The following ABCA13 variants were observed in gnomAD, a reference collection of about 807,000 sequenced individuals.
ABCA13 encodes the protein ATP binding cassette subfamily A member 13.
Under a neutral mutation model 478.7 loss-of-function variants are expected in ABCA13, and 476 were observed. The ratio of observed to expected loss-of-function variants is 0.99; its 90% CI spans 0.92 to 1.07. The LOEUF (loss-of-function observed/expected upper bound fraction) is 1.07, where lower values mean the gene tolerates loss of function less well. Ranked by LOEUF, ABCA13 falls within the 50% of genes least tolerant of loss-of-function variation. The probability of loss-of-function intolerance (pLI) is 0.00; values close to 1 mark genes in which losing one functional copy is unlikely to be tolerated. For missense variants in ABCA13, 6,060 were observed against 5,910.6 expected, an observed-to-expected ratio of 1.03 and a Z score of -0.83; for synonymous variants, 2,252 against 2,158.9, an observed-to-expected ratio of 1.04 and a Z score of -1.20.
chr7:48,602,071 T>C (rs1459518202), intron 58 of ABCA13, among the ~76,000 whole-genome samples: 1 of 152,180 alleles, frequency 6.6e-6, no homozygotes, highest in Non-Finnish European at 1.5e-5. Context: ...GATGGGGTTG[T>C]TTCTTTTTTT....
At chr7:48,625,261 C>T (rs980766385) in intron 59 of ABCA13, among the ~76,000 whole-genome samples, 8 of 152,104 alleles carry the variant, frequency 5.3e-5, no homozygotes, top group Admixed American at 2.6e-4. Flanking sequence ...CATAACATCT[C>T]GGATTAAGAT....
intron 7 of ABCA13, among the ~76,000 whole-genome samples, chr7:48,232,963 G>T (rs988755245): frequency 6.6e-6 from 1 of 152,164 alleles, no homozygotes; most frequent in African/African-American, 2.4e-5. Flanking sequence ...ACCTCCCATG[G>T]TGTATTCTTA....
intron 31 of ABCA13, among the ~76,000 whole-genome samples, chr7:48,361,620 T>C (rs1810845339): frequency 6.6e-6 from 1 of 151,720 alleles, no homozygotes; most frequent in Non-Finnish European, 1.5e-5. Flanking sequence ...TTTTAGTTTT[T>C]TTCTTAAATA....
In ABCA13 at chr7:48,392,092, A is replaced by AC. The variant is rs1299005403; in HGVS notation, c.11826_11827insC (p.Lys3943GlnfsTer59). Reference sequence around the variant, plus strand: ...AACATTTGCTGCTCTTTGCTTCCATAAAGGCGCCTCAGTGGACCAAGAAGG... The same window carrying AC: ...AACATTTGCTGCTCTTTGCTTCCATACAAGGCGCCTCAGTGGACCAAGAAGG... On this transcript the variant is annotated frameshift_variant, in exon 38 of 62. Coordinates refer to ENST00000435803, the MANE Select transcript of ABCA13 (RefSeq NM_152701.5). LOFTEE classifies it high-confidence loss of function. The AC allele has an allele frequency of 6.2e-6, 10 of 1,613,784 alleles. No individual in the cohort carries two copies. The highest frequency in any genetic ancestry group is 8.5e-6 in the Non-Finnish European group (10 of 1,179,866).
intron 27 of ABCA13, among the ~76,000 whole-genome samples, chr7:48,332,953 CT>C (rs1220425279): frequency 6.6e-6 from 1 of 152,220 alleles, no homozygotes; most frequent in Non-Finnish European, 1.5e-5. Context: ...GTTTGCTAAG[CT>C]TCCTGAGTCT....
intron 27 of ABCA13, among the ~76,000 whole-genome samples, chr7:48,330,561 ACATCCATCCATC>A (rs568787723): frequency 2.9e-5 from 4 of 137,912 alleles, no homozygotes; most frequent in South Asian, 4.7e-4. Flanking sequence ...ATCCATCCAC[ACATCCATCCATC>A]CATCCATCCA....
At chr7:48,388,989 T>A (rs960917946) in intron 36 of ABCA13, 51 bp from the exon 37 acceptor site, 3 of 1,570,452 alleles carry the variant, frequency 1.9e-6, no homozygotes, top group Non-Finnish European at 8.7e-7. Flanking sequence ...ATGAGCATTA[T>A]TTTTAGGGCT....
At chr7:48,457,121 G>A (rs895825166) in intron 43 of ABCA13, among the ~76,000 whole-genome samples, 1 of 152,036 alleles carries the variant, frequency 6.6e-6, no homozygotes, top group Non-Finnish European at 1.5e-5. Flanking sequence ...GAGAAAGGAA[G>A]TTCAGTTCTC....
At chr7:48,306,328 T>G (rs1800901710) in intron 23 of ABCA13, among the ~76,000 whole-genome samples, 1 of 152,212 alleles carries the variant, frequency 6.6e-6, no homozygotes, top group Non-Finnish European at 1.5e-5. Context: ...GACCACTGTG[T>G]GACATGCTAG....
At chr7:48,543,698 TTAA>T (rs1346793787) in intron 55 of ABCA13, among the ~76,000 whole-genome samples, 1 of 151,560 alleles carries the variant, frequency 6.6e-6, no homozygotes, top group Non-Finnish European at 1.5e-5. Context: ...AAGTGAATGG[TTAA>T]TAAACATTTT....
chr7:48,395,159 T>C (rs1279789739), intron 38 of ABCA13, among the ~76,000 whole-genome samples: 3 of 152,192 alleles, frequency 2.0e-5, no homozygotes, highest in African/African-American at 7.2e-5. Flanking sequence ...AGGCTGTCCA[T>C]GGGCATGAGG....
At chr7:48,258,404 A>G (rs1401631121) in intron 15 of ABCA13, among the ~76,000 whole-genome samples, 2 of 152,124 alleles carry the variant, frequency 1.3e-5, no homozygotes, top group African/African-American at 4.8e-5. Context: ...AGGCTTTTAA[A>G]AAAAAATTCT....
intron 48 of ABCA13, among the ~76,000 whole-genome samples, chr7:48,496,755 G>A (rs1203781110): frequency 1.3e-5 from 2 of 152,084 alleles, no homozygotes; most frequent in African/African-American, 2.4e-5. Flanking sequence ...CTTGAAAAAT[G>A]TGCTACTTCC....
intron 49 of ABCA13, among the ~76,000 whole-genome samples, chr7:48,507,104 G>T (rs1001164071): frequency 6.6e-6 from 1 of 152,146 alleles, no homozygotes; most frequent in South Asian, 2.1e-4. Flanking sequence ...TTGTCCTCAC[G>T]TTCACTTAAT....
Position 48,524,306 on chromosome 7 carries a change from G to A in ABCA13, c.14110G>A (p.Glu4704Lys), listed in dbSNP as rs1333882742. Residue 4704 changes from glutamate (E) to lysine (K), a missense_variant, in exon 54 of 62, where the codon GAG becomes AAG. Glu to Lys is a moderately conservative substitution (Grantham distance 56). Coordinates refer to ENST00000435803, the MANE Select transcript of ABCA13 (RefSeq NM_152701.5). ...TTCTAAGGATACAGATGTTGAAAAA[G>A]AGGAAAAGAGAGTGTTTGAAGGAAG... ...KSSKDTDVEK[E>K]EKRVFEGRTN... 1 of 1,613,028 alleles carries A rather than the reference G, an allele frequency of 6.2e-7. No individual in the cohort carries two copies. The highest frequency in any genetic ancestry group is 8.5e-7 in the Non-Finnish European group (1 of 1,179,498).
chr7:48,245,838 C>T (rs1369156745), intron 12 of ABCA13, 25 bp from the exon 13 acceptor site: 1 of 1,593,904 alleles, frequency 6.3e-7, no homozygotes, highest in East Asian at 2.2e-5. Context: ...AATGTTACTC[C>T]TTCCCACTCT....
At position 48,194,388 on chromosome 7, in the gene ABCA13, G is replaced by A. The variant is rs145635107; in HGVS notation, c.163+1336G>A. 7.5e-3 allele frequency among the ~76,000 whole-genome samples: 1,139 copies of A among 151,760 alleles called. 3 individuals are homozygous for A. The highest frequency in any genetic ancestry group is 0.013 in the Non-Finnish European group (880 of 67,884). ...TAATAGTGATGATGGTGTTGTTGGTGATGATAGTGATGGTAATGATGGAAA... is the reference window on the plus strand; with the variant it reads ...TAATAGTGATGATGGTGTTGTTGGTAATGATAGTGATGGTAATGATGGAAA... On this transcript the variant is annotated intron_variant, in intron 2 of 61. Coordinates refer to ENST00000435803, the MANE Select transcript of ABCA13 (RefSeq NM_152701.5).
In ABCA13 at chr7:48,239,431, G is replaced by C. The variant is rs750956255; in HGVS notation, c.1062+26G>C. The C allele has an allele frequency of 2.0e-5, 31 of 1,564,404 alleles. No individual in the cohort carries two copies. In the South Asian group the frequency reaches 3.4e-4, roughly 17 times the overall value. On this transcript the variant is annotated intron_variant, in intron 9 of 61. Coordinates refer to ENST00000435803, the MANE Select transcript of ABCA13 (RefSeq NM_152701.5). ...GTGCTGTCCCCTCTCTCTATGTTCT[G>C]TTCAAAGGTGTGCCAGTTTGAGTGT...
intron 55 of ABCA13, among the ~76,000 whole-genome samples, chr7:48,548,939 A>G (rs1785064864): frequency 6.6e-6 from 1 of 151,704 alleles, no homozygotes; most frequent in African/African-American, 2.4e-5. Flanking sequence ...TCTTTCTAAG[A>G]TTGAAACTTG....
Sources: gnomAD v4.1 joint callset for allele counts (sites outside exome capture counted in the v4.1 genomes callset) on GRCh38, gnomAD v4.1.1 for gene constraint, MANE v1.5 for transcripts, NCBI Gene and HGNC (gene_info 2026-07-23, HGNC 2026-07-21) for gene names.